Variants in ZGRF1 observed in about 807,000 individuals in gnomAD.
The protein encoded by ZGRF1 is zinc finger GRF-type containing 1.
Under a neutral mutation model 203.5 loss-of-function variants are expected in ZGRF1, and 196 were observed. The ratio of observed to expected loss-of-function variants is 0.96; its 90% CI spans 0.86 to 1.08. The LOEUF (loss-of-function observed/expected upper bound fraction) is 1.08, where lower values mean the gene tolerates loss of function less well. ZGRF1 is among the 50% of genes least tolerant of loss of function. The pLI is 0.00. For missense variants in ZGRF1, 2,326 were observed against 2,416.3 expected (o/e 0.96, Z 0.78); for synonymous variants, 809 against 841.3 (o/e 0.96, Z 0.66).
intron 7 of ZGRF1, chr4:112,610,970 A>G: frequency 3.5e-6 from 1 of 289,820 alleles, no homozygotes; most frequent in Non-Finnish European, 6.7e-6. Flanking sequence ...GGAAACATTA[A>G]TAAATATTCT....
chr4:112,614,120 C>T (rs777680681), intron 6 of ZGRF1, among the ~76,000 whole-genome samples: 2 of 151,902 alleles, frequency 1.3e-5, no homozygotes, highest in East Asian at 2.0e-4. Context: ...TTAACACTTT[C>T]GCACATTCTA....
At chr4:112,573,167 T>TACACACACACACACAC (rs145611842) in intron 16 of ZGRF1, among the ~76,000 whole-genome samples, 4 of 145,514 alleles carry the variant, frequency 2.7e-5, no homozygotes, top group African/African-American at 7.7e-5. Flanking sequence ...GAAATTGTGA[T>TACACACACACACACAC]ACACACACAC....
chr4:112,618,247 G>A lies in ZGRF1; in HGVS notation c.1795C>T (p.Pro599Ser), dbSNP rs2046950930. 6.2e-7 allele frequency: 1 copy of A among 1,613,840 alleles called. No homozygotes were observed. The highest frequency in any genetic ancestry group is 8.5e-7 in the Non-Finnish European group (1 of 1,179,850). ...LPFLTSVSDK[P>S]TVTFPVKETL... ...TCTTTAACAGGAAATGTCACTGTAG[G>A]TTTGTCACTAACAGATGTTAAGAAT... Residue 599 changes from proline to serine, a missense_variant, in exon 6 of 28, where the codon CCT becomes TCT. Coordinates refer to ENST00000505019, the MANE Select transcript of ZGRF1 (RefSeq NM_018392.5).
At chr4:112,633,074 G>T (rs2149217980) in intron 2 of ZGRF1, 82 bp downstream of exon 2, 1 of 1,261,836 alleles carries the variant, frequency 7.9e-7, no homozygotes, top group Non-Finnish European at 1.1e-6. Context: ...TGGCAACACA[G>T]CAAGATGTTT....
rs1217747639 is a variant in ZGRF1 at position 112,577,987 on chromosome 4, GCACCA to G, written c.4438+3671_4438+3675del. 2.4e-5 allele frequency among the ~76,000 whole-genome samples: 3 copies of G among 122,702 alleles called. 1 individual carries two copies. The East Asian group carries it at 7.2e-4, about 29-fold the overall frequency. 80.5% of individuals were successfully genotyped at this position (122,702 alleles called of 152,430 possible). ...ATCAACAGAATATACATTCTTTTCA[GCACCA>G]CACCACACCTATTCCAAAATTGACC... is the stretch of plus-strand genomic sequence containing the variant. On this transcript the variant is annotated intron_variant, in intron 16 of 27. Coordinates refer to ENST00000505019, the MANE Select transcript of ZGRF1 (RefSeq NM_018392.5).
At chr4:112,591,843 C>T (rs79339337) in intron 10 of ZGRF1, among the ~76,000 whole-genome samples, 3,526 of 152,238 alleles carry the variant, frequency 0.023, 72 homozygotes, top group Non-Finnish European at 0.038. Flanking sequence ...CAGTGTCATT[C>T]TTCAGAGCAC....
rs777913481 is a variant in ZGRF1 at position 112,554,757 on chromosome 4, A to G, written c.5146T>C (p.Phe1716Leu). 3 of 1,542,346 alleles carry G rather than the reference A, an allele frequency of 1.9e-6. No individual in the cohort carries two copies. The highest frequency in any genetic ancestry group is 2.6e-6 in the Non-Finnish European group (3 of 1,138,776). ...LGLLSLGFENFIRVGSVRKIA... is the reference protein window; with the variant it reads ...LGLLSLGFENLIRVGSVRKIA... ...TTCCTAACACTCCCAACTCTGATAAAGTTTTCAAATCCAAGACTGAGAAGC... is the reference window on the plus strand; with the variant it reads ...TTCCTAACACTCCCAACTCTGATAAGGTTTTCAAATCCAAGACTGAGAAGC... Residue 1716 changes from phenylalanine (F) to leucine (L), a missense_variant, in exon 21 of 28, where the codon TTT becomes CTT. Phe to Leu is a conservative substitution (Grantham distance 22). Transcript: ENST00000505019.
At chr4:112,558,350 T>C in intron 19 of ZGRF1, 41 bp from the exon 20 acceptor site, 1 of 1,406,380 alleles carries the variant, frequency 7.1e-7, no homozygotes. Context: ...AAGCATAAAA[T>C]AAATAAATTT....
chr4:112,565,014 C>G, intron 16 of ZGRF1: 1 of 955,338 alleles, frequency 1.0e-6, no homozygotes, highest in Non-Finnish European at 1.7e-6. Context: ...AGACTGCCCA[C>G]AAATCAACCG....
At chr4:112,548,682 G>A (rs1346888391) in intron 22 of ZGRF1, among the ~76,000 whole-genome samples, 4 of 150,568 alleles carry the variant, frequency 2.7e-5, no homozygotes, top group Non-Finnish European at 5.9e-5. Flanking sequence ...CTAGGATGAC[G>A]CACATATTTT....
At chr4:112,629,123 G>A (rs1473538961) in intron 3 of ZGRF1, among the ~76,000 whole-genome samples, 1 of 152,108 alleles carries the variant, frequency 6.6e-6, no homozygotes, top group African/African-American at 2.4e-5. Context: ...AAGTTATCCT[G>A]ATTATCTATA....
intron 11 of ZGRF1, 150 bp from the exon 12 acceptor site, chr4:112,588,079 G>A: frequency 1.9e-6 from 1 of 524,986 alleles, no homozygotes; most frequent in Non-Finnish European, 3.2e-6. Flanking sequence ...AAAAATTAAT[G>A]GTTTTAACCT....
intron 4 of ZGRF1, 53 bp from the exon 5 acceptor site, chr4:112,620,243 T>A (rs191488768): frequency 1.4e-6 from 2 of 1,439,890 alleles, no homozygotes; most frequent in East Asian, 4.6e-5. Flanking sequence ...ATTATCTATG[T>A]ATTCCAGGAT....
chr4:112,544,860 ATG>A (rs1738442212), intron 24 of ZGRF1, among the ~76,000 whole-genome samples: 1 of 152,190 alleles, frequency 6.6e-6, no homozygotes, highest in Admixed American at 6.5e-5. Flanking sequence ...CTGATTTTTG[ATG>A]AGGGTTCCAA....
chr4:112,584,168 G>C lies in ZGRF1; in HGVS notation c.4108C>G (p.Leu1370Val), dbSNP rs1347024180. ...TTGGGTCCATCACATGTATAAAAGA[G>C]ACGACCCTAAGGGGAAAGAAAAAAG... ...VKKEGPNKGR[L>V]FYTCDGPKAD... The change falls in exon 15 of 28, where the codon CTC becomes GTC. Residue 1370 changes from leucine (L) to valine (V), a missense_variant. Coordinates refer to ENST00000505019, the MANE Select transcript of ZGRF1 (RefSeq NM_018392.5). 6.3e-7 allele frequency: 1 copy of C among 1,583,020 alleles called. No homozygotes were observed. Among genetic ancestry groups the C allele is most frequent in the Admixed American group, 2.0e-5 (1 of 51,172 alleles).
intron 10 of ZGRF1, among the ~76,000 whole-genome samples, chr4:112,593,989 A>G (rs562315722): frequency 1.7e-3 from 265 of 152,068 alleles, no homozygotes; most frequent in Middle Eastern, 3.4e-3. Context: ...TCCTGGGCTC[A>G]AGCAATCCTC....
chr4:112,590,942 A>G (rs1748074462), intron 10 of ZGRF1, among the ~76,000 whole-genome samples: 1 of 150,454 alleles, frequency 6.6e-6, no homozygotes, highest in Non-Finnish European at 1.5e-5. Flanking sequence ...AAAAAAAAAA[A>G]GACAATAAAG....
intron 22 of ZGRF1, 73 bp from the exon 23 acceptor site, chr4:112,548,453 T>C (rs1739259543): frequency 2.4e-6 from 3 of 1,252,680 alleles, no homozygotes; most frequent in South Asian, 1.6e-5. Flanking sequence ...ACCAAAGAAC[T>C]TGTAGGCTAA....
Position 112,618,064 on chromosome 4 carries a change from C to A in ZGRF1, c.1978G>T (p.Glu660Ter), listed in dbSNP as rs1560867774. 6.2e-7 allele frequency: 1 copy of A among 1,613,744 alleles called. No homozygotes were observed. The highest frequency in any genetic ancestry group is 8.5e-7 in the Non-Finnish European group (1 of 1,179,876). The stretch of plus-strand genomic sequence containing the variant: ...TCTTGAATAGGTTTATTAGCATCTT[C>A]TTTATTATCTCCGTATACAGCATCA... ...WTDAVYGDNKEDANKPIQEVR... is the reference protein window; with the variant it reads ...WTDAVYGDNK Residue 660 changes from glutamate (E) to a stop codon, truncating the protein, a stop_gained, in exon 6 of 28, where the codon GAA becomes TAA. Transcript: ENST00000505019. LOFTEE classifies it high-confidence loss of function.
Sources: allele counts gnomAD v4.1 joint callset (sites outside exome capture counted in the v4.1 genomes callset), GRCh38; gene constraint gnomAD v4.1.1; transcripts MANE v1.5; gene names NCBI Gene and HGNC (gene_info 2026-07-23, HGNC 2026-07-21).